Variants in THSD7A observed in about 807,000 individuals in gnomAD.
THSD7A encodes thrombospondin type-1 domain-containing protein 7A.
A neutral mutation model predicts 231.3 loss-of-function variants in THSD7A; 96 were observed. The ratio of observed to expected loss-of-function variants is 0.41; its 90% confidence interval spans 0.35 to 0.49. The LOEUF is 0.49. THSD7A is among the 20% of genes least tolerant of loss of function. THSD7A has a pLI of 0.05. For synonymous variants in THSD7A, 940 were observed against 743.3 expected, an observed-to-expected ratio of 1.26 and a Z score of -4.30; for missense variants, 2,290 against 2,070.2, an observed-to-expected ratio of 1.11 and a Z score of -2.06.
chr7:11,394,142 A>T (rs1783090580), intron 23 of THSD7A, among the ~76,000 whole-genome samples: 1 of 152,240 alleles, frequency 6.6e-6, no homozygotes, highest in Non-Finnish European at 1.5e-5. Context: ...CCACAAAGGG[A>T]AGCCCATCAG....
chr7:11,634,092 C>T lies in THSD7A; in HGVS notation c.1022+2038G>A, dbSNP rs1781750811. 6.6e-6 allele frequency among the ~76,000 whole-genome samples: 1 copy of T among 152,046 alleles called. No homozygotes were observed. The highest frequency in any genetic ancestry group is 1.5e-5 in the Non-Finnish European group (1 of 68,000). ...AAATATCTGATTTTTATCTCTTCTT[C>T]TCTAGGACTTTCTTGATCACACATG... On this transcript the variant is annotated intron_variant, in intron 2 of 27. Transcript: ENST00000423059. This position sits in a 1 kb window ranked among gnomAD's most constrained non-coding sequence, Gnocchi z 4.1.
intron 6 of THSD7A, among the ~76,000 whole-genome samples, chr7:11,503,331 A>C (rs1314293781): frequency 6.6e-6 from 1 of 152,210 alleles, no homozygotes; most frequent in Admixed American, 6.5e-5. Context: ...TAAAGACTTA[A>C]ATGTAAAACC....
chr7:11,599,738 T>G (rs931336784), intron 2 of THSD7A, among the ~76,000 whole-genome samples: 1 of 152,162 alleles, frequency 6.6e-6, no homozygotes, highest in Non-Finnish European at 1.5e-5. Flanking sequence ...GGATCTGTGA[T>G]GGTTAATACC....
intron 6 of THSD7A, among the ~76,000 whole-genome samples, chr7:11,517,616 C>T (rs1447979698): frequency 7.2e-5 from 11 of 152,146 alleles, no homozygotes; most frequent in African/African-American, 2.7e-4. Context: ...TTTTTAGTTT[C>T]TTCTCTTGAT....
chr7:11,559,163 AAC>A (rs1423960650), intron 4 of THSD7A, among the ~76,000 whole-genome samples: 1 of 151,724 alleles, frequency 6.6e-6, no homozygotes, highest in Admixed American at 6.6e-5. Flanking sequence ...GAATTCTGCC[AAC>A]ACTCTGAATG....
chr7:11,540,835 C>T (rs73288813), intron 6 of THSD7A, among the ~76,000 whole-genome samples: 237 of 152,234 alleles, frequency 1.6e-3, no homozygotes, highest in African/African-American at 5.5e-3. Flanking sequence ...AAGAATCTTG[C>T]GGAAAGCCAC....
chr7:11,770,067 T>C (rs1783173677), intron 1 of THSD7A, among the ~76,000 whole-genome samples: 1 of 152,120 alleles, frequency 6.6e-6, no homozygotes, highest in African/African-American at 2.4e-5. Flanking sequence ...ACCTATTGCA[T>C]TGACACTTAA....
intron 23 of THSD7A, chr7:11,385,824 C>T (rs964535638): frequency 4.6e-5 from 7 of 151,896 alleles, no homozygotes; most frequent in African/African-American, 1.7e-4. Flanking sequence ...ACCCATCAAC[C>T]TGTCATCTAC....
intron 2 of THSD7A, among the ~76,000 whole-genome samples, chr7:11,624,051 C>CAGAA (rs1781401682): frequency 6.6e-6 from 1 of 152,104 alleles, no homozygotes; most frequent in African/African-American, 2.4e-5. Flanking sequence ...ATTTATCTAT[C>CAGAA]AGAACTCCAA....
rs191225800 is a variant in THSD7A at position 11,637,686 on chromosome 7, G to A, written c.191-725C>T. On this transcript the variant is annotated intron_variant, in intron 1 of 27. Coordinates refer to ENST00000423059, the MANE Select transcript of THSD7A (RefSeq NM_015204.3). This position sits in a 1 kb window ranked among gnomAD's most constrained non-coding sequence, Gnocchi z 4.2. Reference sequence around the variant, plus strand: ...TCTAATCATTGAGAGGTTATTTGGGGTCTTATTTATTTATTCATTTCTTAA... The same window carrying A: ...TCTAATCATTGAGAGGTTATTTGGGATCTTATTTATTTATTCATTTCTTAA... Among the ~76,000 whole-genome samples the A allele has an allele frequency of 5.9e-5, 9 of 152,132 alleles. No individual in the cohort carries two copies. Among genetic ancestry groups the A allele is most frequent in the Admixed American group, 2.0e-4 (3 of 15,280 alleles).
intron 4 of THSD7A, among the ~76,000 whole-genome samples, chr7:11,560,298 C>T (rs939133425): frequency 7.2e-5 from 11 of 152,172 alleles, no homozygotes; most frequent in African/African-American, 2.7e-4. Context: ...CCTGGCCTGA[C>T]ACTTTCAGCT....
At chr7:11,574,760 A>G (rs2128335860) in intron 4 of THSD7A, among the ~76,000 whole-genome samples, 1 of 152,256 alleles carries the variant, frequency 6.6e-6, no homozygotes, top group South Asian at 2.1e-4. Context: ...CATACATGTG[A>G]AGTGCAGTTT....
Position 11,426,704 on chromosome 7 carries a change from G to A in THSD7A, c.3244-33C>T, listed in dbSNP as rs190687993. 260 of 1,554,056 alleles carry A rather than the reference G, an allele frequency of 1.7e-4. No homozygotes were observed. The African/African-American group carries it at 2.8e-3, about 17-fold the overall frequency. On this transcript the variant is annotated intron_variant, in intron 14 of 27. Coordinates refer to ENST00000423059, the MANE Select transcript of THSD7A (RefSeq NM_015204.3). Reference sequence around the variant, plus strand: ...GGTGTTCAACAGGAATGATGAAAAGGGAGAGAAATAAGGTAGGTGAAAATG... The same window carrying A: ...GGTGTTCAACAGGAATGATGAAAAGAGAGAGAAATAAGGTAGGTGAAAATG...
At chr7:11,775,479 G>A (rs1055228260) in intron 1 of THSD7A, among the ~76,000 whole-genome samples, 5 of 152,074 alleles carry the variant, frequency 3.3e-5, no homozygotes, top group African/African-American at 1.2e-4. Flanking sequence ...TAAACAAAAC[G>A]TGGTATGTAC....
intron 8 of THSD7A, among the ~76,000 whole-genome samples, chr7:11,470,904 G>C (rs1785912424): frequency 6.6e-6 from 1 of 151,820 alleles, no homozygotes; most frequent in Non-Finnish European, 1.5e-5. Flanking sequence ...CTTCTTAAGA[G>C]ATAATAGGAA....
chr7:11,474,252 A>G lies in THSD7A; in HGVS notation c.2252+82T>C. The G allele has an allele frequency of 8.3e-7, 1 of 1,206,842 alleles. No individual in the cohort carries two copies. Among genetic ancestry groups the G allele is most frequent in the Non-Finnish European group, 1.2e-6 (1 of 859,716 alleles). The allele number at this position is 1,206,842 out of a possible 1,614,324, so 74.8% of individuals were successfully genotyped here. Reference sequence around the variant, plus strand: ...GGTATGACAAGCATCAAAATGTTCCATTTCATGAAGCCAGTGAAGCCTGAG... The same window carrying G: ...GGTATGACAAGCATCAAAATGTTCCGTTTCATGAAGCCAGTGAAGCCTGAG... On this transcript the variant is annotated intron_variant, in intron 8 of 27. Transcript: ENST00000423059. The surrounding 1 kb of genome is among the most constrained non-coding windows in gnomAD (Gnocchi z 4.1).
intron 16 of THSD7A, among the ~76,000 whole-genome samples, chr7:11,423,004 A>AT (rs1018361874): frequency 7.2e-5 from 11 of 152,038 alleles, no homozygotes; most frequent in Non-Finnish European, 1.2e-4. Flanking sequence ...TTAAGGTAAT[A>AT]TTTTTTATTT....
chr7:11,607,149 A>G (rs1042705278), intron 2 of THSD7A, among the ~76,000 whole-genome samples: 1 of 152,138 alleles, frequency 6.6e-6, no homozygotes, highest in South Asian at 2.1e-4. Flanking sequence ...AAAAGATTAT[A>G]TTTAAAATTA....
intron 1 of THSD7A, among the ~76,000 whole-genome samples, chr7:11,724,670 C>T (rs1266767578): frequency 3.3e-5 from 5 of 151,904 alleles, no homozygotes; most frequent in African/African-American, 7.2e-5. Context: ...TTATTGCAGA[C>T]ATTTAAGAAA....
Sources: allele counts gnomAD v4.1 joint callset (sites outside exome capture counted in the v4.1 genomes callset), GRCh38; gene constraint gnomAD v4.1.1; non-coding constraint Gnocchi (gnomAD v3.1); transcripts MANE v1.5; gene names NCBI Gene and HGNC (gene_info 2026-07-23, HGNC 2026-07-21).